The following RANBP9 variants were observed in gnomAD, a reference collection of about 807,000 sequenced individuals.
RANBP9 encodes the protein RAN binding protein 9.
Under a neutral mutation model 84.3 loss-of-function variants are expected in RANBP9, and 15 were observed. The ratio of observed to expected loss-of-function variants is 0.18; its 90% CI spans 0.12 to 0.27. RANBP9 has a LOEUF of 0.27. RANBP9 is among the 10% of genes least tolerant of loss of function. The probability of loss-of-function intolerance (pLI) is 1.00; values close to 1 mark genes in which losing one functional copy is unlikely to be tolerated. For missense variants in RANBP9, 809 were observed against 912.8 expected (o/e 0.89, Z 1.46); for synonymous variants, 392 against 349.6 (o/e 1.12, Z -1.35).
chr6:13,644,481 C>T (rs551179392), intron 6 of RANBP9, 64 bp downstream of exon 6: 102 of 1,496,808 alleles, frequency 6.8e-5, no homozygotes, highest in South Asian at 4.5e-4. Flanking sequence ...TGGATACCAA[C>T]AGAATAAATG....
intron 4 of RANBP9, among the ~76,000 whole-genome samples, chr6:13,653,993 A>G (rs186330936): frequency 2.0e-5 from 3 of 152,246 alleles, no homozygotes; most frequent in East Asian, 3.9e-4. Context: ...AATATACTAT[A>G]AACTATACAT....
intron 2 of RANBP9, among the ~76,000 whole-genome samples, chr6:13,672,858 A>G (rs1765805385): frequency 6.6e-6 from 1 of 152,196 alleles, no homozygotes; most frequent in African/African-American, 2.4e-5. Flanking sequence ...GACTAAAAAA[A>G]ACAACAATCA....
intron 13 of RANBP9, among the ~76,000 whole-genome samples, chr6:13,623,034 C>A (rs541217723): frequency 6.6e-6 from 1 of 152,044 alleles, no homozygotes; most frequent in South Asian, 2.1e-4. Context: ...TACAGCAGAG[C>A]CACCCCACAG....
At chr6:13,635,140 C>G (rs1764903727) in intron 10 of RANBP9, among the ~76,000 whole-genome samples, 1 of 152,208 alleles carries the variant, frequency 6.6e-6, no homozygotes, top group African/African-American at 2.4e-5. Context: ...GCTTCATTCT[C>G]TCATCCCTTT....
At chr6:13,699,087 G>A (rs1415730175) in intron 1 of RANBP9, among the ~76,000 whole-genome samples, 4 of 151,996 alleles carry the variant, frequency 2.6e-5, no homozygotes, top group Non-Finnish European at 4.4e-5. Context: ...TTTTTGAAAT[G>A]AAGAAATCTG....
intron 4 of RANBP9, 147 bp from the exon 5 acceptor site, chr6:13,652,828 A>G (rs942490907): frequency 3.0e-6 from 2 of 658,684 alleles, no homozygotes; most frequent in African/African-American, 3.7e-5. Context: ...CTAATTTTTA[A>G]TCAATAATAC....
intron 2 of RANBP9, among the ~76,000 whole-genome samples, chr6:13,677,427 A>C (rs967072789): frequency 7.2e-5 from 11 of 152,306 alleles, no homozygotes; most frequent in African/African-American, 2.6e-4. Context: ...TGAATAGTTT[A>C]TTCATGTATA....
rs199638648 is a variant in RANBP9 at position 13,622,509 on chromosome 6, T to A, written c.2060-17A>T. On this transcript the variant is annotated splice_polypyrimidine_tract_variant and intron_variant, in intron 13 of 13. Transcript: ENST00000011619. The stretch of plus-strand genomic sequence containing the variant: ...TGTGGGTTTCTGAGGAAAAATAATT[T>A]AAAAATGAGAACAGCAATTAGCAAG... 8.4e-6 allele frequency: 13 copies of A among 1,551,436 alleles called. No homozygotes were observed. The East Asian group carries it at 2.3e-4, about 27-fold the overall frequency.
chr6:13,658,741 C>T lies in RANBP9; in HGVS notation c.736+39G>A, dbSNP rs375889002. On this transcript the variant is annotated intron_variant, in intron 3 of 13. Coordinates refer to ENST00000011619, the MANE Select transcript of RANBP9 (RefSeq NM_005493.3). The stretch of plus-strand genomic sequence containing the variant: ...TGAAAAATTTAACCAGAAAGAGCTA[C>T]TCATAAGACATAATACTGTAATTCA... 1.3e-5 allele frequency: 19 copies of T among 1,480,514 alleles called. No homozygotes were observed. In the African/African-American group the frequency reaches 2.0e-4, roughly 15 times the overall value. The allele number at this position is 1,480,514 out of a possible 1,614,324, so 91.7% of individuals were successfully genotyped here.
At chr6:13,696,534 A>C (rs1033380367) in intron 2 of RANBP9, among the ~76,000 whole-genome samples, 1 of 152,200 alleles carries the variant, frequency 6.6e-6, no homozygotes, top group African/African-American at 2.4e-5. Context: ...CCATCCCTTC[A>C]TTCCTTAATT....
intron 2 of RANBP9, among the ~76,000 whole-genome samples, chr6:13,687,562 A>T (rs915599631): frequency 2.0e-5 from 3 of 152,138 alleles, no homozygotes; most frequent in Admixed American, 2.0e-4. Flanking sequence ...ATCTTCTAAG[A>T]CAAAAGCTAG....
intron 11 of RANBP9, among the ~76,000 whole-genome samples, chr6:13,633,730 G>T (rs1392516681): frequency 6.6e-6 from 1 of 152,118 alleles, no homozygotes; most frequent in Admixed American, 6.5e-5. Context: ...AACAATTTTA[G>T]TAATACCACT....
chr6:13,685,500 C>A (rs867565484), intron 2 of RANBP9, among the ~76,000 whole-genome samples: 3 of 152,126 alleles, frequency 2.0e-5, no homozygotes, highest in Non-Finnish European at 4.4e-5. Context: ...TTGAACCCAA[C>A]AGTTTACAGT....
At chr6:13,634,605 T>C in intron 10 of RANBP9, 53 bp from the exon 11 acceptor site, 3 of 1,524,170 alleles carry the variant, frequency 2.0e-6, no homozygotes, top group Non-Finnish European at 2.7e-6. Context: ...TGCAGCTTAG[T>C]TTAAAATAAA....
intron 2 of RANBP9, among the ~76,000 whole-genome samples, chr6:13,679,219 AAGCTGCATCTTTCTTC>A (rs1765972247): frequency 6.6e-6 from 1 of 152,190 alleles, no homozygotes; most frequent in South Asian, 2.1e-4. Context: ...AATATACACC[AAGCTGCATCTTTCTTC>A]AGCTGCATCT....
At chr6:13,689,271 T>C (rs1161625875) in intron 2 of RANBP9, among the ~76,000 whole-genome samples, 3 of 151,034 alleles carry the variant, frequency 2.0e-5, no homozygotes, top group Non-Finnish European at 4.4e-5. Flanking sequence ...TCACTTTTTT[T>C]CCTTTTTTTT....
At chr6:13,701,465 A>G (rs7757597) in intron 1 of RANBP9, among the ~76,000 whole-genome samples, 2,608 of 152,102 alleles carry the variant, frequency 0.017, 79 homozygotes, top group African/African-American at 0.059. Context: ...AAAGTACCTC[A>G]CCTCTTATCA....
intron 1 of RANBP9, among the ~76,000 whole-genome samples, chr6:13,708,020 T>C (rs1285103915): frequency 2.0e-5 from 3 of 152,240 alleles, no homozygotes; most frequent in African/African-American, 7.2e-5. Context: ...TGCAATCCAA[T>C]CAACCTTATC....
chr6:13,678,279 A>T (rs1026230097), intron 2 of RANBP9, among the ~76,000 whole-genome samples: 14 of 152,256 alleles, frequency 9.2e-5, no homozygotes, highest in Non-Finnish European at 2.1e-4. Flanking sequence ...AATTGTTGAG[A>T]AAGCTATGGT....
Sources: allele counts gnomAD v4.1 joint callset (sites outside exome capture counted in the v4.1 genomes callset), GRCh38; gene constraint gnomAD v4.1.1; transcripts MANE v1.5; gene names NCBI Gene and HGNC (gene_info 2026-07-23, HGNC 2026-07-21).